SLC25A24: variants seen among roughly 807,000 people sequenced by gnomAD.
SLC25A24 encodes solute carrier family 25 member 24.
Under a neutral mutation model 60.7 loss-of-function variants are expected in SLC25A24, and 49 were observed. The observed-to-expected ratio is 0.81, with a 90% CI of 0.64 to 1.02. The LOEUF (loss-of-function observed/expected upper bound fraction) is 1.02. Among genes scored for constraint, SLC25A24 ranks in the 50% least tolerant of loss-of-function variants. The pLI is 0.00. For missense variants in SLC25A24, 564 were observed against 586.3 expected, an observed-to-expected ratio of 0.96 and a Z score of 0.39; for synonymous variants, 202 against 200.6, an observed-to-expected ratio of 1.01 and a Z score of -0.06.
In SLC25A24 at chr1:108,181,938, T is replaced by TACCTTTGAAG. The variant is rs761273243; in HGVS notation, c.391_398+2dup. The TACCTTTGAAG allele has an allele frequency of 1.3e-6, 2 of 1,598,722 alleles. No individual in the cohort carries two copies. The highest frequency in any genetic ancestry group is 1.7e-6 in the Non-Finnish European group (2 of 1,166,792). On this transcript the variant is annotated splice_region_variant and intron_variant, in intron 3 of 9. Coordinates refer to ENST00000565488, the MANE Select transcript of SLC25A24 (RefSeq NM_013386.5). Reference sequence around the variant, plus strand: ...CAATTGTTGACCAACATGAAGAGCTTACCTTTGAAGAATCAACTCTGCTTG... The same window carrying TACCTTTGAAG: ...CAATTGTTGACCAACATGAAGAGCTTACCTTTGAAGACCTTTGAAGAATCAACTCTGCTTG...
Position 108,159,464 on chromosome 1 carries a change from G to GTT in SLC25A24, c.510+1716_510+1717dup, listed in dbSNP as rs60246776. The stretch of plus-strand genomic sequence containing the variant: ...ATGGACATTTATGCAGTCTTGGGTT[G>GTT]TTTTTTTTTTTTTTTTTTTAATTGA... On this transcript the variant is annotated intron_variant, in intron 4 of 9. Coordinates refer to ENST00000565488, the MANE Select transcript of SLC25A24 (RefSeq NM_013386.5). Among the ~76,000 whole-genome samples, 671 of 131,042 alleles carry GTT rather than the reference G, an allele frequency of 5.1e-3. 11 individuals are homozygous for GTT. The highest frequency in any genetic ancestry group is 0.013 in the African/African-American group (453 of 34,958). 86.0% of individuals were successfully genotyped at this position (131,042 alleles called of 152,430 possible).
chr1:108,193,238 A>G (rs1648401140), intron 1 of SLC25A24, among the ~76,000 whole-genome samples: 1 of 138,694 alleles, frequency 7.2e-6, no homozygotes, highest in Non-Finnish European at 1.6e-5. Flanking sequence ...TTACAAGGGT[A>G]TACTGTGTGA....
intron 3 of SLC25A24, among the ~76,000 whole-genome samples, chr1:108,165,741 G>T (rs377289662): frequency 1.7e-4 from 26 of 152,222 alleles, no homozygotes; most frequent in East Asian, 1.2e-3. Context: ...TCTTGACTCT[G>T]TATCCAATTT....
chr1:108,147,719 A>G (rs1185233353), intron 7 of SLC25A24, among the ~76,000 whole-genome samples: 2 of 152,202 alleles, frequency 1.3e-5, no homozygotes, highest in African/African-American at 2.4e-5. Flanking sequence ...CTCTTTGGAC[A>G]GGAATGGCAG....
chr1:108,163,169 C>T, intron 3 of SLC25A24, among the ~76,000 whole-genome samples: 1 of 107,518 alleles, frequency 9.3e-6, no homozygotes, highest in African/African-American at 4.3e-5. Flanking sequence ...TGTTTTGGTA[C>T]CAGTACCATG....
At chr1:108,188,263 G>A (rs757761995) in intron 1 of SLC25A24, among the ~76,000 whole-genome samples, 28 of 151,904 alleles carry the variant, frequency 1.8e-4, no homozygotes, top group African/African-American at 3.4e-4. Context: ...AAAAATTATC[G>A]ATTGGGTACT....
At chr1:108,191,030 A>G (rs1220522367) in intron 1 of SLC25A24, among the ~76,000 whole-genome samples, 1 of 140,604 alleles carries the variant, frequency 7.1e-6, no homozygotes, top group African/African-American at 2.5e-5. Flanking sequence ...TTGATAGCTA[A>G]CCCAGAATTT....
intron 1 of SLC25A24, chr1:108,198,578 A>G (rs935771850): frequency 6.6e-6 from 1 of 152,272 alleles, no homozygotes; most frequent in African/African-American, 2.4e-5. Flanking sequence ...CTATGACACA[A>G]ACATATAACA....
At chr1:108,157,411 A>T (rs1679929620) in intron 5 of SLC25A24, 51 bp downstream of exon 5, 1 of 1,528,406 alleles carries the variant, frequency 6.5e-7, no homozygotes, top group Non-Finnish European at 8.9e-7. Context: ...CACATTTCTC[A>T]TTGTTTTAGA....
intron 4 of SLC25A24, among the ~76,000 whole-genome samples, chr1:108,160,349 C>G (rs1391258533): frequency 6.7e-6 from 1 of 149,946 alleles, no homozygotes; most frequent in African/African-American, 2.5e-5. Flanking sequence ...CCTCACTTTC[C>G]AGACTGGGCA....
Position 108,139,083 on chromosome 1 carries a change from C to A in SLC25A24, c.1224G>T (p.Leu408Phe). The stretch of plus-strand genomic sequence containing the variant: ...CTTGAGCCTGCATGCGAGTTCTCAC[C>A]AAAGCCAATGGGTAGCTGGCCAGCT... ...CGQLASYPLA[L>F]VRTRMQAQAM... The change falls in exon 9 of 10, where the codon TTG becomes TTT. Residue 408 changes from leucine to phenylalanine, a missense_variant. Transcript: ENST00000565488. 1 of 1,603,468 alleles carries A rather than the reference C, an allele frequency of 6.2e-7. No homozygotes were observed. The highest frequency in any genetic ancestry group is 1.7e-5 in the Admixed American group (1 of 58,086).
intron 5 of SLC25A24, among the ~76,000 whole-genome samples, chr1:108,155,684 G>A (rs182189243): frequency 6.6e-6 from 1 of 152,160 alleles, no homozygotes; most frequent in Non-Finnish European, 1.5e-5. Flanking sequence ...AATGCATACA[G>A]CCTGAAACCA....
intron 8 of SLC25A24, among the ~76,000 whole-genome samples, chr1:108,143,115 T>C (rs752466873): frequency 6.6e-6 from 1 of 152,218 alleles, no homozygotes; most frequent in Non-Finnish European, 1.5e-5. Context: ...GTGTGCTCAA[T>C]AATTGTTTGT....
At chr1:108,166,039 T>C (rs1680242652) in intron 3 of SLC25A24, among the ~76,000 whole-genome samples, 2 of 152,206 alleles carry the variant, frequency 1.3e-5, no homozygotes, top group East Asian at 3.9e-4. Context: ...ATTTTATTTC[T>C]CCTTCACTTA....
At chr1:108,162,623 C>T (rs1040421673) in intron 3 of SLC25A24, among the ~76,000 whole-genome samples, 6 of 152,098 alleles carry the variant, frequency 3.9e-5, no homozygotes, top group African/African-American at 1.5e-4. Context: ...TGTCCTTCAC[C>T]CACTTTTTGA....
At chr1:108,155,240 G>C in intron 5 of SLC25A24, 105 bp from the exon 6 acceptor site, 1 of 947,720 alleles carries the variant, frequency 1.1e-6, no homozygotes, top group East Asian at 2.8e-5. Context: ...ACTGCAAGAA[G>C]ATATATTTGA....
chr1:108,182,413 G>C (rs1647961677), intron 2 of SLC25A24, among the ~76,000 whole-genome samples: 1 of 152,146 alleles, frequency 6.6e-6, no homozygotes, highest in African/African-American at 2.4e-5. Flanking sequence ...CATTTTAAAA[G>C]TACCTATTTC....
rs1647885473 is a variant in SLC25A24, at chr1:108,180,618, C to CTCTCTA, written c.398+1322_398+1323insTAGAGA. On this transcript the variant is annotated intron_variant, in intron 3 of 9. Coordinates refer to ENST00000565488, the MANE Select transcript of SLC25A24 (RefSeq NM_013386.5). ...TTATAATAGAAAGCAAGAGAAAGAT[C>CTCTCTA]TCTCTCTCTCTCTCTCTCTCTCTCT... 2.3e-5 allele frequency among the ~76,000 whole-genome samples: 3 copies of CTCTCTA among 129,604 alleles called. No homozygotes were observed. The South Asian group carries it at 8.2e-4, about 35-fold the overall frequency. The allele number at this position is 129,604 out of a possible 152,430, so 85.0% of individuals were successfully genotyped here. A position where few individuals can be genotyped will look rare whatever the true frequency, so the allele number is the denominator to read the frequency against.
chr1:108,148,796 A>G (rs1345749666), intron 6 of SLC25A24, among the ~76,000 whole-genome samples: 1 of 152,250 alleles, frequency 6.6e-6, no homozygotes, highest in Non-Finnish European at 1.5e-5. Flanking sequence ...AGCCCAAGCC[A>G]ACTAGACAAT....
Sources: gnomAD v4.1 joint callset for allele counts (sites outside exome capture counted in the v4.1 genomes callset) on GRCh38, gnomAD v4.1.1 for gene constraint, MANE v1.5 for transcripts, NCBI Gene and HGNC (gene_info 2026-07-23, HGNC 2026-07-21) for gene names.